Variants in ROBO1 observed in about 807,000 individuals in gnomAD.
ROBO1 encodes the protein roundabout guidance receptor 1, also known as roundabout homolog 1.
In ROBO1, 149 loss-of-function variants were observed where a neutral mutation model predicts 195.9. That is an observed-to-expected ratio of 0.76 (90% CI 0.67 to 0.87). ROBO1 has a LOEUF of 0.87. ROBO1 is among the 40% of genes least tolerant of loss of function. The pLI is 0.00. For synonymous variants in ROBO1, 816 were observed against 733.2 expected (o/e 1.11, Z -1.82); for missense variants, 1,933 against 2,068.3 (o/e 0.93, Z 1.27).
chr3:78,713,349 CT>C (rs1008160787), intron 8 of ROBO1, among the ~76,000 whole-genome samples: 1 of 151,852 alleles, frequency 6.6e-6, no homozygotes, highest in Non-Finnish European at 1.5e-5. Flanking sequence ...CAAAAGCCAC[CT>C]TTTTTTTCTA....
At chr3:79,418,642 G>A (rs2038102132) in intron 2 of ROBO1, among the ~76,000 whole-genome samples, 1 of 152,038 alleles carries the variant, frequency 6.6e-6, no homozygotes, top group South Asian at 2.1e-4. Context: ...TGTAAAACAG[G>A]CTACTAGCAG....
chr3:79,524,080 C>T (rs1175539389), intron 2 of ROBO1, among the ~76,000 whole-genome samples: 1 of 152,032 alleles, frequency 6.6e-6, no homozygotes, highest in South Asian at 2.1e-4. Flanking sequence ...CCTAAAGACG[C>T]ATAATGGGAT....
At chr3:79,566,106 T>G (rs1240143228) in intron 2 of ROBO1, among the ~76,000 whole-genome samples, 1 of 152,120 alleles carries the variant, frequency 6.6e-6, no homozygotes, top group Non-Finnish European at 1.5e-5. Flanking sequence ...TACAGAGCAC[T>G]ATTTGGCTTT....
At chr3:79,726,610 T>C (rs1340675857) in intron 1 of ROBO1, among the ~76,000 whole-genome samples, 1 of 152,158 alleles carries the variant, frequency 6.6e-6, no homozygotes, top group African/African-American at 2.4e-5. Flanking sequence ...TTCTCATGTG[T>C]TTTAGTTTTG....
Position 78,892,293 on chromosome 3 carries a change from A to C in ROBO1, c.499+46308T>G, listed in dbSNP as rs549623254. ...CTTAGGTTGCATCCTCCTTGTGAGA[A>C]TCTAATTTTCCCACCCCATCTGTGG... On this transcript the variant is annotated intron_variant, in intron 4 of 30. Coordinates refer to ENST00000464233, the MANE Select transcript of ROBO1 (RefSeq NM_002941.4). Among the ~76,000 whole-genome samples, 3 of 152,284 alleles carry C rather than the reference A, an allele frequency of 2.0e-5. No homozygotes were observed. The South Asian group carries it at 6.2e-4, about 32-fold the overall frequency.
intron 2 of ROBO1, among the ~76,000 whole-genome samples, chr3:79,375,118 G>C (rs1386408247): frequency 6.6e-6 from 1 of 152,152 alleles, no homozygotes; most frequent in African/African-American, 2.4e-5. Context: ...TTATAAAGGA[G>C]GGTGAATCAA....
Position 79,741,380 on chromosome 3 carries a change from T to C in ROBO1, c.-51+26372A>G, listed in dbSNP as rs187909530. On this transcript the variant is annotated intron_variant, in intron 1 of 30. Coordinates refer to ENST00000464233, the MANE Select transcript of ROBO1 (RefSeq NM_002941.4). The stretch of plus-strand genomic sequence containing the variant: ...CTATTTCAGTCTATATATATCTTTG[T>C]TTCAGATTTGACTTTTTTTTTTAGC... Among the ~76,000 whole-genome samples, 10 of 152,326 alleles carry C rather than the reference T, an allele frequency of 6.6e-5. No homozygotes were observed. In the East Asian group the frequency reaches 1.7e-3, roughly 26 times the overall value.
At chr3:78,605,021 G>C (rs1703386210) in intron 29 of ROBO1, among the ~76,000 whole-genome samples, 1 of 152,062 alleles carries the variant, frequency 6.6e-6, no homozygotes, top group South Asian at 2.1e-4. Context: ...CAAACTTCCA[G>C]AAAGAGCTTA....
chr3:79,471,134 C>T (rs910831513), intron 2 of ROBO1, among the ~76,000 whole-genome samples: 2 of 152,064 alleles, frequency 1.3e-5, no homozygotes, highest in African/African-American at 4.8e-5. Context: ...CCTTATCTTT[C>T]ACCACATACA....
chr3:79,001,410 G>A (rs1460236984), intron 3 of ROBO1, among the ~76,000 whole-genome samples: 1 of 152,062 alleles, frequency 6.6e-6, no homozygotes, highest in Admixed American at 6.6e-5. Context: ...CGACACATGG[G>A]GATTATGGGA....
intron 2 of ROBO1, among the ~76,000 whole-genome samples, chr3:79,178,109 C>T (rs2081285683): frequency 6.6e-6 from 1 of 152,198 alleles, no homozygotes; most frequent in African/African-American, 2.4e-5. Context: ...GTTGCCTGCT[C>T]ATATGTATAT....
At position 79,082,223 on chromosome 3, in the gene ROBO1, T is replaced by A. The variant is rs1006473351; in HGVS notation, c.172+43233A>T. Among the ~76,000 whole-genome samples the A allele has an allele frequency of 2.0e-5, 3 of 152,288 alleles. No homozygotes were observed. In the South Asian group the frequency reaches 6.2e-4, roughly 32 times the overall value. On this transcript the variant is annotated intron_variant, in intron 3 of 30. Transcript: ENST00000464233. ...AGAAGAAATAACTGTTCTAACTGTA[T>A]AAACAGCAATCCTATTCCTGGCTTG...
chr3:79,319,099 A>G (rs187569022), intron 2 of ROBO1, among the ~76,000 whole-genome samples: 3 of 152,286 alleles, frequency 2.0e-5, no homozygotes, highest in African/African-American at 7.2e-5. Flanking sequence ...CTCATTAATT[A>G]ATTTCTCATC....
At chr3:79,355,578 C>T (rs1194979660) in intron 2 of ROBO1, among the ~76,000 whole-genome samples, 2 of 152,140 alleles carry the variant, frequency 1.3e-5, no homozygotes, top group East Asian at 1.9e-4. Context: ...ACCTCCTCTC[C>T]CCGTCCTCTG....
intron 10 of ROBO1, among the ~76,000 whole-genome samples, chr3:78,678,502 A>C (rs566691931): frequency 6.6e-6 from 1 of 152,162 alleles, no homozygotes; most frequent in Admixed American, 6.5e-5. Context: ...TATCACCACC[A>C]ATCCCACAGA....
At chr3:79,003,964 G>A (rs1311088647) in intron 3 of ROBO1, among the ~76,000 whole-genome samples, 1 of 152,126 alleles carries the variant, frequency 6.6e-6, no homozygotes, top group Non-Finnish European at 1.5e-5. Flanking sequence ...TTCGAAGCCA[G>A]CAACAACCTA....
At chr3:79,739,724 C>T (rs1336180522) in intron 1 of ROBO1, among the ~76,000 whole-genome samples, 1 of 152,172 alleles carries the variant, frequency 6.6e-6, no homozygotes, top group East Asian at 1.9e-4. Flanking sequence ...GGTGTATCTA[C>T]TAAGGACCAG....
chr3:79,577,320 T>C (rs1943519514), intron 2 of ROBO1, among the ~76,000 whole-genome samples: 1 of 152,138 alleles, frequency 6.6e-6, no homozygotes, highest in South Asian at 2.1e-4. Context: ...TTATGTAAAC[T>C]ATATTATGTA....
chr3:79,554,599 G>A (rs1321890657), intron 2 of ROBO1, among the ~76,000 whole-genome samples: 1 of 152,030 alleles, frequency 6.6e-6, no homozygotes, highest in Non-Finnish European at 1.5e-5. Flanking sequence ...AACTTGGAAT[G>A]TGCTGTAAGA....
Sources: allele counts gnomAD v4.1 joint callset (sites outside exome capture counted in the v4.1 genomes callset), GRCh38; gene constraint gnomAD v4.1.1; transcripts MANE v1.5; gene names NCBI Gene and HGNC (gene_info 2026-07-23, HGNC 2026-07-21).